The following CYP2U1 variants were observed in gnomAD, a reference collection of about 807,000 sequenced individuals.
CYP2U1 encodes the protein cytochrome P450 2U1.
Under a neutral mutation model 42.8 loss-of-function variants are expected in CYP2U1, and 28 were observed. That is an observed-to-expected ratio of 0.65 (90% CI 0.48 to 0.90). The LOEUF (loss-of-function observed/expected upper bound fraction) is 0.90, where lower values mean the gene tolerates loss of function less well. CYP2U1 is among the 40% of genes least tolerant of loss of function. The probability of loss-of-function intolerance (pLI) is 0.00; values close to 1 mark genes in which losing one functional copy is unlikely to be tolerated. For missense variants in CYP2U1, 642 were observed against 693.8 expected, an observed-to-expected ratio of 0.93 and a Z score of 0.84; for synonymous variants, 296 against 278.9, an observed-to-expected ratio of 1.06 and a Z score of -0.61.
intron 1 of CYP2U1, among the ~76,000 whole-genome samples, chr4:107,934,120 C>T (rs896753009): frequency 2.0e-5 from 3 of 151,570 alleles, no homozygotes; most frequent in Non-Finnish European, 4.4e-5. Context: ...AGTGAGTGCA[C>T]CAGTTTACAT....
At position 107,944,783 on chromosome 4, in the gene CYP2U1, A is replaced by G. The variant is rs569474743; in HGVS notation, c.491-187A>G. On this transcript the variant is annotated intron_variant, in intron 1 of 4. Transcript: ENST00000332884. ...TTTGTTATTATTAGAAACACATACT[A>G]TCTTGATAACTAAATTTTGCCAATC... Among the ~76,000 whole-genome samples, 95 of 133,018 alleles carry G rather than the reference A, an allele frequency of 7.1e-4. 1 individual carries two copies. In the Middle Eastern group the frequency reaches 0.013, roughly 18 times the overall value. The allele number at this position is 133,018 out of a possible 152,430, so 87.3% of individuals were successfully genotyped here.
chr4:107,943,198 A>G (rs1277300835), intron 1 of CYP2U1, among the ~76,000 whole-genome samples: 5 of 152,256 alleles, frequency 3.3e-5, no homozygotes, highest in Admixed American at 6.5e-5. Context: ...ACAAGTATCA[A>G]GTGATGGCAA....
intron 4 of CYP2U1, 103 bp downstream of exon 4, chr4:107,949,620 C>A: frequency 9.4e-7 from 1 of 1,067,896 alleles, no homozygotes; most frequent in Non-Finnish European, 1.3e-6. Flanking sequence ...TCTTGGCAAG[C>A]TAATATAAGA....
At chr4:107,945,727 T>C (rs1327202797) in intron 2 of CYP2U1, 122 bp downstream of exon 2, 2 of 1,271,838 alleles carry the variant, frequency 1.6e-6, no homozygotes, top group Non-Finnish European at 2.1e-6. Flanking sequence ...AAACAAATAC[T>C]TGCAACTCAT....
Position 107,931,637 on chromosome 4 carries a change from C to T in CYP2U1, c.-7C>T. ...AAGGGGAACCCGAGGCCGCCGGCGC[C>T]CGGACCATGTCGTCTCCGGGGCCGT... On this transcript the variant is annotated 5_prime_UTR_variant, in exon 1 of 5. Coordinates refer to ENST00000332884, the MANE Select transcript of CYP2U1 (RefSeq NM_183075.3). 1 of 1,256,616 alleles carries T rather than the reference C, an allele frequency of 8.0e-7. No individual in the cohort carries two copies. The highest frequency in any genetic ancestry group is 1.0e-6 in the Non-Finnish European group (1 of 1,004,694). 77.8% of individuals were successfully genotyped at this position (1,256,616 alleles called of 1,614,324 possible).
At position 107,933,866 on chromosome 4, in the gene CYP2U1, GTT is replaced by G. The variant is rs559883082; in HGVS notation, c.490+1739_490+1740del. ...AAGTCTACACATTCAGTACAGATGT[GTT>G]TTTTTGATCTGCGGTTGGTGGAACC... is the stretch of plus-strand genomic sequence containing the variant. On this transcript the variant is annotated intron_variant, in intron 1 of 4. Coordinates refer to ENST00000332884, the MANE Select transcript of CYP2U1 (RefSeq NM_183075.3). Among the ~76,000 whole-genome samples, 551 of 152,252 alleles carry G rather than the reference GTT, an allele frequency of 3.6e-3. 4 individuals are homozygous for G. Among genetic ancestry groups the G allele is most frequent in the African/African-American group, 0.013 (535 of 41,544 alleles).
rs374563682 is a variant in CYP2U1 at position 107,946,163 on chromosome 4, T to C, written c.1126+558T>C. Among the ~76,000 whole-genome samples the C allele has an allele frequency of 1.2e-4, 18 of 152,370 alleles. 1 individual carries two copies. The highest frequency in any genetic ancestry group is 6.8e-3 in the Middle Eastern group (2 of 294). On this transcript the variant is annotated intron_variant, in intron 2 of 4. Coordinates refer to ENST00000332884, the MANE Select transcript of CYP2U1 (RefSeq NM_183075.3). Reference sequence around the variant, plus strand: ...AGTTCTATACATTCTAAGTCTGATATATGTCTCATTGGACTGAAAATCAGG... The same window carrying C: ...AGTTCTATACATTCTAAGTCTGATACATGTCTCATTGGACTGAAAATCAGG...
rs748042712 is a variant in CYP2U1, at chr4:107,945,617, G to C, written c.1126+12G>C. ...CCCCGATGTACAAGGTAATTAATAG[G>C]TGTTTCCTTTGTTCATGGCAAAACC... On this transcript the variant is annotated intron_variant, in intron 2 of 4. Transcript: ENST00000332884. 1 of 1,541,328 alleles carries C rather than the reference G, an allele frequency of 6.5e-7. No homozygotes were observed. The highest frequency in any genetic ancestry group is 8.7e-7 in the Non-Finnish European group (1 of 1,147,050).
At position 107,953,179 on chromosome 4, in the gene CYP2U1, A is replaced by T. The variant is rs1733967347; in HGVS notation, c.*2756A>T. The T allele has an allele frequency of 6.6e-6, 1 of 152,220 alleles. No individual in the cohort carries two copies. The highest frequency in any genetic ancestry group is 2.4e-5 in the African/African-American group (1 of 41,458). 9.4% of individuals were successfully genotyped at this position (152,220 alleles called of 1,614,324 possible). ...TTCCTAACCAAATAGTTTATAGCTTATTGAGAAGAAGTCTGTTCTTGGAGA... is the reference window on the plus strand; with the variant it reads ...TTCCTAACCAAATAGTTTATAGCTTTTTGAGAAGAAGTCTGTTCTTGGAGA... On this transcript the variant is annotated 3_prime_UTR_variant, in exon 5 of 5. Transcript: ENST00000332884.
Position 107,949,387 on chromosome 4 carries a change from C to G in CYP2U1, c.1326C>G (p.Ile442Met). 2 of 1,591,818 alleles carry G rather than the reference C, an allele frequency of 1.3e-6. No individual in the cohort carries two copies. Among genetic ancestry groups the G allele is most frequent in the South Asian group, 1.2e-5 (1 of 86,612 alleles). ...QGYTIPKGTL[I>M]LPNLWSVHRD... is the part of the protein sequence containing the mutation. Reference sequence around the variant, plus strand: ...ATACCATTCCTAAAGGCACATTGATCTTACCCAACCTGTGGTCAGTACATA... The same window carrying G: ...ATACCATTCCTAAAGGCACATTGATGTTACCCAACCTGTGGTCAGTACATA... The change falls in exon 4 of 5, where the codon ATC becomes ATG. Residue 442 changes from isoleucine (I) to methionine (M), a missense_variant. By Grantham distance (10) the Ile-to-Met change is conservative (BLOSUM62 1). Transcript: ENST00000332884.
In CYP2U1 at chr4:107,945,169, C is replaced by A; in HGVS notation, c.690C>A (p.Asn230Lys). The A allele has an allele frequency of 6.2e-7, 1 of 1,614,006 alleles. No individual in the cohort carries two copies. Among genetic ancestry groups the A allele is most frequent in the Non-Finnish European group, 8.5e-7 (1 of 1,180,000 alleles). The change falls in exon 2 of 5, where the codon AAC becomes AAA. Residue 230 changes from asparagine to lysine, a missense_variant. Transcript: ENST00000332884. ...CCATCATCAGCAATGCCGTCTCTAA[C>A]ATCATTTGCTCCTTGTGCTTTGGCC... is the stretch of plus-strand genomic sequence containing the variant. ...PFSIISNAVS[N>K]IICSLCFGQR...
chr4:107,941,557 A>G (rs766817972), intron 1 of CYP2U1, among the ~76,000 whole-genome samples: 5 of 152,178 alleles, frequency 3.3e-5, no homozygotes, highest in Non-Finnish European at 7.4e-5. Flanking sequence ...GTCAAATGTC[A>G]AATATCAGCA....
chr4:107,933,792 C>G (rs1156587831), intron 1 of CYP2U1, among the ~76,000 whole-genome samples: 3 of 152,066 alleles, frequency 2.0e-5, no homozygotes, highest in Non-Finnish European at 4.4e-5. Context: ...AATGTAAATG[C>G]TTTGTAAATA....
Position 107,949,379 on chromosome 4 carries a change from A to G in CYP2U1, c.1318A>G (p.Thr440Ala). 1 of 1,588,908 alleles carries G rather than the reference A, an allele frequency of 6.3e-7. No homozygotes were observed. The highest frequency in any genetic ancestry group is 8.6e-7 in the Non-Finnish European group (1 of 1,167,836). The part of the protein sequence containing the change: ...VLQGYTIPKG[T>A]LILPNLWSVH... ...CCAAGGGTATACCATTCCTAAAGGCACATTGATCTTACCCAACCTGTGGTC... is the reference window on the plus strand; with the variant it reads ...CCAAGGGTATACCATTCCTAAAGGCGCATTGATCTTACCCAACCTGTGGTC... The change falls in exon 4 of 5, where the codon ACA becomes GCA. Residue 440 changes from threonine to alanine, a missense_variant. Physicochemically the swap from Thr to Ala is moderately conservative, Grantham distance 58. Coordinates refer to ENST00000332884, the MANE Select transcript of CYP2U1 (RefSeq NM_183075.3).
intron 2 of CYP2U1, 76 bp from the exon 3 acceptor site, chr4:107,947,300 G>A: frequency 7.6e-7 from 1 of 1,323,334 alleles, no homozygotes; most frequent in East Asian, 2.4e-5. Flanking sequence ...TAGTGGTGAT[G>A]GAAAGTATGC....
At chr4:107,932,379 G>A (rs746899542) in intron 1 of CYP2U1, among the ~76,000 whole-genome samples, 22 of 152,340 alleles carry the variant, frequency 1.4e-4, no homozygotes, top group Non-Finnish European at 2.9e-4. Context: ...AAAGTCATCC[G>A]GAGATTGAGG....
Position 107,950,346 on chromosome 4 carries a change from A to G in CYP2U1, c.1558A>G (p.Lys520Glu). ...CGCATTTGCTTTACCTGAGGATTCT[A>G]AGAAGCCCCTCCTGACTGGAAGATT... ...SFAFALPEDS[K>E]KPLLTGRFGL... Residue 520 changes from lysine to glutamate, a missense_variant, in exon 5 of 5, where the codon AAG becomes GAG. Physicochemically the swap from Lys to Glu is moderately conservative, Grantham distance 56. Transcript: ENST00000332884. 1 of 1,614,112 alleles carries G rather than the reference A, an allele frequency of 6.2e-7. No homozygotes were observed. Among genetic ancestry groups the G allele is most frequent in the South Asian group, 1.1e-5 (1 of 91,064 alleles).
rs1395355242 is a variant in CYP2U1, at chr4:107,950,539, C to G, written c.*116C>G. 1 of 1,164,068 alleles carries G rather than the reference C, an allele frequency of 8.6e-7. No homozygotes were observed. Among genetic ancestry groups the G allele is most frequent in the Non-Finnish European group, 1.2e-6 (1 of 857,784 alleles). The allele number at this position is 1,164,068 out of a possible 1,614,324, so 72.1% of individuals were successfully genotyped here. A position where few individuals can be genotyped will look rare whatever the true frequency, so the allele number is the denominator to read the frequency against. On this transcript the variant is annotated 3_prime_UTR_variant, in exon 5 of 5. Transcript: ENST00000332884. ...CAACTCAGTGGATCCAAGCTGGGCT[C>G]AGAGGTCGGAAGGAGGGTAGAGCAC...
chr4:107,945,466 G>A lies in CYP2U1; in HGVS notation c.987G>A (p.Arg329=), dbSNP rs146484674. Residue 329 remains arginine, a synonymous_variant, in exon 2 of 5, where the codon AGG becomes AGA. Coordinates refer to ENST00000332884, the MANE Select transcript of CYP2U1 (RefSeq NM_183075.3). ...DMYLLHMEEE[R]KNNSNSSFDE... is the part of the protein sequence containing the mutation. ...ACCTTCTCCACATGGAAGAGGAGAG[G>A]AAAAATAATAGTAACAGCAGTTTTG... 4 of 1,614,070 alleles carry A rather than the reference G, an allele frequency of 2.5e-6. No individual in the cohort carries two copies. The Middle Eastern group carries it at 5.0e-4, about 200-fold the overall frequency.
Sources: allele counts gnomAD v4.1 joint callset (sites outside exome capture counted in the v4.1 genomes callset), GRCh38; gene constraint gnomAD v4.1.1; transcripts MANE v1.5; gene names NCBI Gene and HGNC (gene_info 2026-07-23, HGNC 2026-07-21).